Variants in GALNTL6 observed in about 807,000 individuals in gnomAD.
The protein encoded by GALNTL6 is polypeptide N-acetylgalactosaminyltransferase-like 6.
Under a neutral mutation model 73.7 loss-of-function variants are expected in GALNTL6, and 46 were observed. That is an observed-to-expected ratio of 0.62 (90% confidence interval 0.49 to 0.80). The LOEUF (loss-of-function observed/expected upper bound fraction) is 0.80, where lower values mean the gene tolerates loss of function less well. Ranked by LOEUF, GALNTL6 falls within the 30% of genes least tolerant of loss-of-function variation. GALNTL6 has a pLI of 0.00. For synonymous variants in GALNTL6, 259 were observed against 263.7 expected, an observed-to-expected ratio of 0.98 and a Z score of 0.17; for missense variants, 604 against 755.0, an observed-to-expected ratio of 0.80 and a Z score of 2.34.
intron 2 of GALNTL6, among the ~76,000 whole-genome samples, chr4:172,162,921 A>G (rs910961647): frequency 6.6e-6 from 1 of 152,080 alleles, no homozygotes; most frequent in African/African-American, 2.4e-5. Context: ...AATTAAAGAT[A>G]ATCAATGTTG....
chr4:172,156,216 T>G (rs1311255722), intron 2 of GALNTL6, among the ~76,000 whole-genome samples: 2 of 152,034 alleles, frequency 1.3e-5, no homozygotes, highest in African/African-American at 4.8e-5. Flanking sequence ...TTTTCGATCT[T>G]CAGCGGGTAT....
chr4:171,880,870 A>G (rs1051382363), intron 2 of GALNTL6, among the ~76,000 whole-genome samples: 1 of 152,176 alleles, frequency 6.6e-6, no homozygotes, highest in Non-Finnish European at 1.5e-5. Flanking sequence ...TAGTAGCATT[A>G]TTACAATATA....
At chr4:171,871,498 C>G (rs911588316) in intron 2 of GALNTL6, among the ~76,000 whole-genome samples, 1 of 152,056 alleles carries the variant, frequency 6.6e-6, no homozygotes, top group Non-Finnish European at 1.5e-5. Flanking sequence ...CCATTCCCCC[C>G]ACCCCAACTA....
At chr4:172,213,897 T>C (rs1457338153) in intron 2 of GALNTL6, among the ~76,000 whole-genome samples, 1 of 152,214 alleles carries the variant, frequency 6.6e-6, no homozygotes, top group Non-Finnish European at 1.5e-5. Flanking sequence ...ACCCTAAGAT[T>C]TCGTGTAGGG....
chr4:171,835,002 C>A (rs982553647), intron 2 of GALNTL6, among the ~76,000 whole-genome samples: 2 of 151,948 alleles, frequency 1.3e-5, no homozygotes, highest in Non-Finnish European at 2.9e-5. Flanking sequence ...GAACTAAAAA[C>A]AACACCTAGT....
rs541428508 is a variant in GALNTL6, at chr4:172,370,223, G to T, written c.553+21534G>T. Among the ~76,000 whole-genome samples the T allele has an allele frequency of 8.9e-4, 135 of 152,242 alleles. 3 individuals carry two copies. The South Asian group carries it at 0.027, about 31-fold the overall frequency. ...TAGAAGTTGTTAGTTGGGCTCATTT[G>T]GGGTTCCATTTGTAAGACCTTCTGT... is the stretch of plus-strand genomic sequence containing the variant. On this transcript the variant is annotated intron_variant, in intron 5 of 12. Transcript: ENST00000506823.
chr4:171,973,263 G>A (rs1739623746), intron 2 of GALNTL6, among the ~76,000 whole-genome samples: 1 of 152,150 alleles, frequency 6.6e-6, no homozygotes, highest in Non-Finnish European at 1.5e-5. Flanking sequence ...AGGAGGGCGT[G>A]TATCAGTTTG....
chr4:172,382,665 G>A (rs1246043943), intron 5 of GALNTL6, among the ~76,000 whole-genome samples: 1 of 151,960 alleles, frequency 6.6e-6, no homozygotes, highest in Non-Finnish European at 1.5e-5. Flanking sequence ...AAAAACCATT[G>A]CTTAACAAAA....
intron 10 of GALNTL6, among the ~76,000 whole-genome samples, chr4:172,964,278 T>C (rs1750224007): frequency 6.6e-6 from 1 of 152,218 alleles, no homozygotes; most frequent in South Asian, 2.1e-4. Context: ...TAAAGTCATT[T>C]AGAGTGCTCC....
At chr4:172,773,165 C>A (rs977448970) in intron 5 of GALNTL6, among the ~76,000 whole-genome samples, 3 of 152,166 alleles carry the variant, frequency 2.0e-5, no homozygotes, top group Non-Finnish European at 4.4e-5. Context: ...TGGAGGAGAT[C>A]GTTTCACGTA....
chr4:173,026,268 C>T (rs1753227380), intron 12 of GALNTL6, among the ~76,000 whole-genome samples: 1 of 152,156 alleles, frequency 6.6e-6, no homozygotes, highest in Admixed American at 6.5e-5. Context: ...GCAAGTACCA[C>T]CGCAGGCAAT....
chr4:172,648,298 G>A (rs13104041), intron 5 of GALNTL6, among the ~76,000 whole-genome samples: 3,609 of 152,180 alleles, frequency 0.024, 76 homozygotes, highest in South Asian at 0.034. Flanking sequence ...TCTAAAGTAA[G>A]TTGTCATTTG....
chr4:171,930,445 T>C (rs1041027699), intron 2 of GALNTL6, among the ~76,000 whole-genome samples: 3 of 152,016 alleles, frequency 2.0e-5, no homozygotes, highest in African/African-American at 4.8e-5. Context: ...AAAGTAGACA[T>C]AGGAAGTATT....
intron 5 of GALNTL6, among the ~76,000 whole-genome samples, chr4:172,685,106 A>T (rs1488551102): frequency 6.6e-6 from 1 of 152,214 alleles, no homozygotes; most frequent in Non-Finnish European, 1.5e-5. Context: ...AGATATGTAG[A>T]GGAAAATACT....
At chr4:172,760,690 G>T (rs1676995683) in intron 5 of GALNTL6, among the ~76,000 whole-genome samples, 1 of 152,140 alleles carries the variant, frequency 6.6e-6, no homozygotes, top group South Asian at 2.1e-4. Flanking sequence ...CTGCTGACCT[G>T]TGCCCTTCAG....
intron 2 of GALNTL6, among the ~76,000 whole-genome samples, chr4:171,853,012 ATTTTTTTTT>A (rs765984611): frequency 1.3e-4 from 11 of 86,868 alleles, no homozygotes; most frequent in Admixed American, 6.2e-4. Context: ...CGCCCGGCTA[ATTTTTTTTT>A]TTTTTTTTTT....
intron 2 of GALNTL6, among the ~76,000 whole-genome samples, chr4:171,912,265 T>C (rs1315839041): frequency 6.6e-6 from 1 of 152,198 alleles, no homozygotes; most frequent in Non-Finnish European, 1.5e-5. Flanking sequence ...AGTAAAATTA[T>C]ATTTGTCAGA....
intron 8 of GALNTL6, among the ~76,000 whole-genome samples, chr4:172,917,155 C>T (rs527274571): frequency 5.3e-5 from 8 of 152,296 alleles, no homozygotes; most frequent in Admixed American, 6.5e-5. Flanking sequence ...GGAAAGGATT[C>T]CCTATTTAAT....
At chr4:173,005,017 C>T (rs1337783645) in intron 10 of GALNTL6, among the ~76,000 whole-genome samples, 2 of 152,160 alleles carry the variant, frequency 1.3e-5, no homozygotes, top group East Asian at 3.9e-4. Context: ...TCCCCTACCC[C>T]ACATCTACTA....
Sources: allele counts gnomAD v4.1 joint callset (sites outside exome capture counted in the v4.1 genomes callset), GRCh38; gene constraint gnomAD v4.1.1; transcripts MANE v1.5; gene names NCBI Gene and HGNC (gene_info 2026-07-23, HGNC 2026-07-21).